The following NKAIN3 variants were observed in gnomAD, a reference collection of about 807,000 sequenced individuals.
NKAIN3 encodes the protein sodium/potassium-transporting ATPase subunit beta-1-interacting protein 3.
In NKAIN3, 25 loss-of-function variants were observed where a neutral mutation model predicts 30.2. The observed-to-expected ratio is 0.83, with a 90% CI of 0.60 to 1.16. The LOEUF is 1.16. Ranked by LOEUF, NKAIN3 falls within the 50% of genes most tolerant of loss-of-function variation. The pLI, the probability that NKAIN3 is intolerant of heterozygous loss-of-function variation, is 0.00. For missense variants in NKAIN3, 225 were observed against 254.1 expected (o/e 0.89, Z 0.78); for synonymous variants, 91 against 89.6 (o/e 1.02, Z -0.09).
chr8:62,567,279 G>A (rs1310401561), intron 1 of NKAIN3, among the ~76,000 whole-genome samples: 1 of 152,058 alleles, frequency 6.6e-6, no homozygotes, highest in African/African-American at 2.4e-5. Flanking sequence ...AGAGACTCAA[G>A]ATTCTTCTTA....
intron 3 of NKAIN3, among the ~76,000 whole-genome samples, chr8:62,686,343 C>T (rs1003442328): frequency 1.4e-4 from 21 of 152,174 alleles, no homozygotes; most frequent in African/African-American, 4.8e-4. Context: ...CCTATTCCTA[C>T]TCTCCTGTGC....
intron 1 of NKAIN3, among the ~76,000 whole-genome samples, chr8:62,321,336 A>G (rs2129589424): frequency 6.6e-6 from 1 of 152,314 alleles, no homozygotes; most frequent in South Asian, 2.1e-4. Context: ...AACTTGTCAA[A>G]GTCATTCTCC....
intron 3 of NKAIN3, among the ~76,000 whole-genome samples, chr8:62,699,498 C>A (rs765064735): frequency 2.0e-5 from 3 of 152,180 alleles, no homozygotes; most frequent in Non-Finnish European, 2.9e-5. Flanking sequence ...ATTGGACAAA[C>A]TTGCATATTG....
At chr8:62,876,640 G>T (rs900521634) in intron 4 of NKAIN3, among the ~76,000 whole-genome samples, 3 of 152,088 alleles carry the variant, frequency 2.0e-5, no homozygotes, top group Admixed American at 2.0e-4. Flanking sequence ...GCCATAAAAA[G>T]GAATGAGATC....
At chr8:62,875,042 C>G (rs1436184599) in intron 4 of NKAIN3, among the ~76,000 whole-genome samples, 2 of 152,194 alleles carry the variant, frequency 1.3e-5, no homozygotes, top group Non-Finnish European at 1.5e-5. Context: ...TGTTTGCAGA[C>G]AACATGATTT....
intron 3 of NKAIN3, among the ~76,000 whole-genome samples, chr8:62,724,275 G>A (rs1815188824): frequency 6.6e-6 from 1 of 151,814 alleles, no homozygotes; most frequent in African/African-American, 2.4e-5. Context: ...TACGTAGTAG[G>A]TGCATGTTTA....
chr8:62,674,739 G>C (rs1813418788), intron 3 of NKAIN3, among the ~76,000 whole-genome samples: 1 of 152,170 alleles, frequency 6.6e-6, no homozygotes, highest in Admixed American at 6.5e-5. Context: ...AATGGGGAGT[G>C]AGCTCAGTTG....
chr8:62,343,954 C>G lies in NKAIN3; in HGVS notation c.54+94827C>G, dbSNP rs149759902. ...ATATGGTCAATGTATAATTAGTATC[C>G]AAGTGAAACTTAACATTTTAAAAGT... On this transcript the variant is annotated intron_variant, in intron 1 of 6. Coordinates refer to ENST00000623646, the MANE Select transcript of NKAIN3 (RefSeq NM_001304533.3). Among the ~76,000 whole-genome samples, 760 of 152,018 alleles carry G rather than the reference C, an allele frequency of 5.0e-3. 6 individuals are homozygous for G. The highest frequency in any genetic ancestry group is 0.017 in the Admixed American group (260 of 15,248).
At chr8:62,930,208 T>C (rs947435658) in intron 5 of NKAIN3, among the ~76,000 whole-genome samples, 2 of 152,108 alleles carry the variant, frequency 1.3e-5, no homozygotes, top group African/African-American at 2.4e-5. Context: ...ACAACAACTT[T>C]TCAACTTTTC....
chr8:62,759,919 A>T (rs567425092), intron 4 of NKAIN3, among the ~76,000 whole-genome samples: 1 of 152,340 alleles, frequency 6.6e-6, no homozygotes, highest in African/African-American at 2.4e-5. Context: ...ACAAATTTAC[A>T]AATTTACAAG....
At chr8:62,730,921 T>C (rs1815442749) in intron 3 of NKAIN3, among the ~76,000 whole-genome samples, 1 of 152,198 alleles carries the variant, frequency 6.6e-6, no homozygotes, top group Non-Finnish European at 1.5e-5. Flanking sequence ...ATTCAGTGTG[T>C]TTTAGTAGGC....
In NKAIN3 at chr8:62,443,466, G is replaced by A. The variant is rs192976285; in HGVS notation, c.55-136073G>A. 5.9e-5 allele frequency among the ~76,000 whole-genome samples: 9 copies of A among 151,896 alleles called. No homozygotes were observed. The East Asian group carries it at 1.4e-3, about 23-fold the overall frequency. On this transcript the variant is annotated intron_variant, in intron 1 of 6. Coordinates refer to ENST00000623646, the MANE Select transcript of NKAIN3 (RefSeq NM_001304533.3). The stretch of plus-strand genomic sequence containing the variant: ...TGGCACAATCTCGGCTCACTGCAAC[G>A]TCCACCTTCCGGATTCAAGAGATTC...
At chr8:62,500,493 G>GGGAAAGAAAGAAAGAAGA (rs1563427569) in intron 1 of NKAIN3, among the ~76,000 whole-genome samples, 1 of 133,884 alleles carries the variant, frequency 7.5e-6, no homozygotes, top group East Asian at 2.5e-4. Context: ...AAGAAGAAAA[G>GGGAAAGAAAGAAAGAAGA]AAAGAAAGAA....
intron 3 of NKAIN3, among the ~76,000 whole-genome samples, chr8:62,598,440 C>A (rs1335106767): frequency 6.6e-6 from 1 of 152,018 alleles, no homozygotes; most frequent in East Asian, 1.9e-4. Context: ...GGGGACATAA[C>A]TCCAATGTTA....
intron 1 of NKAIN3, among the ~76,000 whole-genome samples, chr8:62,527,238 C>A (rs1053492726): frequency 2.0e-5 from 3 of 152,154 alleles, no homozygotes; most frequent in Non-Finnish European, 2.9e-5. Flanking sequence ...AAATAACTGG[C>A]CCCTCTATTG....
chr8:62,497,056 A>G (rs1807264838), intron 1 of NKAIN3, among the ~76,000 whole-genome samples: 1 of 152,122 alleles, frequency 6.6e-6, no homozygotes, highest in African/African-American at 2.4e-5. Flanking sequence ...TTTTTAAAAA[A>G]GACATTTTCC....
intron 1 of NKAIN3, among the ~76,000 whole-genome samples, chr8:62,440,156 G>T (rs2129598139): frequency 6.6e-6 from 1 of 152,164 alleles, no homozygotes; most frequent in South Asian, 2.1e-4. Flanking sequence ...CTCTAACATT[G>T]ATTTGTCAGA....
At chr8:62,947,869 C>T (rs969142292) in intron 5 of NKAIN3, among the ~76,000 whole-genome samples, 5 of 152,192 alleles carry the variant, frequency 3.3e-5, no homozygotes, top group Middle Eastern at 3.2e-3. Flanking sequence ...GCTCCTGCAG[C>T]CTCCCGTGCC....
At chr8:62,942,245 T>C (rs1005998165) in intron 5 of NKAIN3, among the ~76,000 whole-genome samples, 7 of 142,118 alleles carry the variant, frequency 4.9e-5, no homozygotes, top group East Asian at 2.0e-4. Context: ...CACATATATA[T>C]ACATATATAT....
Sources: gnomAD v4.1 joint callset for allele counts (sites outside exome capture counted in the v4.1 genomes callset) on GRCh38, gnomAD v4.1.1 for gene constraint, MANE v1.5 for transcripts, NCBI Gene and HGNC (gene_info 2026-07-23, HGNC 2026-07-21) for gene names.